Variants in ADARB2 observed in about 807,000 individuals in gnomAD.
The protein encoded by ADARB2 is adenosine deaminase RNA specific B2 (inactive).
ADARB2 carries 25 observed loss-of-function variants against 62.2 expected under a neutral mutation model. That is an observed-to-expected ratio of 0.40 (90% confidence interval 0.29 to 0.56). The LOEUF (loss-of-function observed/expected upper bound fraction) is 0.56. Among genes scored for constraint, ADARB2 ranks in the 20% least tolerant of loss-of-function variants. ADARB2 has a pLI of 0.43. For synonymous variants in ADARB2, 572 were observed against 500.8 expected (o/e 1.14, Z -1.90); for missense variants, 1,071 against 1,077.4 (o/e 0.99, Z 0.08).
chr10:1,254,804 T>C (rs569784048), intron 4 of ADARB2, among the ~76,000 whole-genome samples: 5 of 152,348 alleles, frequency 3.3e-5, no homozygotes, highest in East Asian at 3.9e-4. Context: ...TGCACACATA[T>C]GGTGCTCAAT....
chr10:1,595,774 C>T (rs181697844), intron 1 of ADARB2, among the ~76,000 whole-genome samples: 11 of 152,356 alleles, frequency 7.2e-5, no homozygotes, highest in African/African-American at 1.7e-4. Context: ...ACATTTGTGC[C>T]GGTCATAATG....
intron 3 of ADARB2, among the ~76,000 whole-genome samples, chr10:1,357,003 G>C (rs1290427814): frequency 1.3e-5 from 2 of 152,160 alleles, no homozygotes; most frequent in Non-Finnish European, 2.9e-5. Flanking sequence ...TGGTCAGGAG[G>C]GTTCTTCTAG....
In ADARB2 at chr10:1,420,611, G is replaced by GAAA. The variant is rs755860726; in HGVS notation, c.101-41452_101-41451insTTT. The stretch of plus-strand genomic sequence containing the variant: ...GCAGGTCCTCATCTTCCAGAAAGAG[G>GAAA]GAAAAAAAAAAAAAAAAAAGGCAGA... On this transcript the variant is annotated intron_variant, in intron 1 of 9. Transcript: ENST00000381312. Among the ~76,000 whole-genome samples, 27 of 121,116 alleles carry GAAA rather than the reference G, an allele frequency of 2.2e-4. 4 individuals are homozygous for GAAA. Among genetic ancestry groups the GAAA allele is most frequent in the East Asian group, 2.3e-4 (1 of 4,290 alleles). 79.5% of individuals were successfully genotyped at this position (121,116 alleles called of 152,430 possible).
In ADARB2 at chr10:1,255,579, T is replaced by C. The variant is rs1831072789; in HGVS notation, c.1193-13280A>G. 6.6e-6 allele frequency among the ~76,000 whole-genome samples: 1 copy of C among 152,228 alleles called. No individual in the cohort carries two copies. Among genetic ancestry groups the C allele is most frequent in the Non-Finnish European group, 1.5e-5 (1 of 68,036 alleles). ...GGCCATGGACAGGGATGTGACCAGATGTCAGCTGGTCAACGCTCTTTGCTG... is the reference window on the plus strand; with the variant it reads ...GGCCATGGACAGGGATGTGACCAGACGTCAGCTGGTCAACGCTCTTTGCTG... On this transcript the variant is annotated intron_variant, in intron 4 of 9. Transcript: ENST00000381312. This position sits in a 1 kb window ranked among gnomAD's most constrained non-coding sequence, Gnocchi z 4.7.
chr10:1,224,435 C>T (rs1397633907), intron 6 of ADARB2, among the ~76,000 whole-genome samples: 2 of 151,848 alleles, frequency 1.3e-5, no homozygotes, highest in Non-Finnish European at 2.9e-5. Context: ...TTCAGTTCTG[C>T]TCTGATTTTA....
chr10:1,535,018 A>C (rs78750310), intron 1 of ADARB2: 3,612 of 167,258 alleles, frequency 0.022, 127 homozygotes, highest in African/African-American at 0.08. Flanking sequence ...GCGAGCCACC[A>C]GGGACGGGGT....
rs150637980 is a variant in ADARB2 at position 1,189,017 on chromosome 10, C to T, written c.1865-3978G>A. On this transcript the variant is annotated intron_variant, in intron 8 of 9. Transcript: ENST00000381312. ...TCCAGGAGGGCCATCTCTTCCTCAC[C>T]GACATGGAAGGGCCATGGCCTCGTG... Among the ~76,000 whole-genome samples the T allele has an allele frequency of 4.1e-4, 62 of 150,776 alleles. 2 individuals carry two copies. In the East Asian group the frequency reaches 0.01, roughly 25 times the overall value.
intron 6 of ADARB2, among the ~76,000 whole-genome samples, chr10:1,231,752 C>T (rs1830805839): frequency 6.6e-6 from 1 of 152,138 alleles, no homozygotes; most frequent in African/African-American, 2.4e-5. Flanking sequence ...CCAGCCATGC[C>T]AGAGGATCCA....
chr10:1,416,056 A>G (rs1832798679), intron 1 of ADARB2, among the ~76,000 whole-genome samples: 1 of 152,240 alleles, frequency 6.6e-6, no homozygotes, highest in Admixed American at 6.5e-5. Flanking sequence ...CTTAACAAGC[A>G]GTACACATGA....
At position 1,222,714 on chromosome 10, in the gene ADARB2, T is replaced by G. The variant is rs577961808; in HGVS notation, c.1514-5595A>C. Among the ~76,000 whole-genome samples, 669 of 149,726 alleles carry G rather than the reference T, an allele frequency of 4.5e-3. 55 individuals are homozygous for G. Among genetic ancestry groups the G allele is most frequent in the African/African-American group, 0.017 (647 of 39,144 alleles). On this transcript the variant is annotated intron_variant, in intron 6 of 9. Coordinates refer to ENST00000381312, the MANE Select transcript of ADARB2 (RefSeq NM_018702.4). Reference sequence around the variant, plus strand: ...TTGTTTTTGTCAGGTTTGTCAAAGATCAGATGGTTGTAGATATGCGGCATT... The same window carrying G: ...TTGTTTTTGTCAGGTTTGTCAAAGAGCAGATGGTTGTAGATATGCGGCATT...
chr10:1,631,944 C>T (rs967474347), intron 1 of ADARB2, among the ~76,000 whole-genome samples: 6 of 152,036 alleles, frequency 3.9e-5, no homozygotes, highest in South Asian at 2.1e-4. Context: ...TGTGGATAAG[C>T]GTGATCTTAG....
At chr10:1,503,289 C>A (rs1392700874) in intron 1 of ADARB2, among the ~76,000 whole-genome samples, 1 of 151,830 alleles carries the variant, frequency 6.6e-6, no homozygotes, top group Non-Finnish European at 1.5e-5. Context: ...CAGGCTCAAG[C>A]AATCCTCCTG....
chr10:1,334,359 T>C (rs1831955006), intron 3 of ADARB2, among the ~76,000 whole-genome samples: 3 of 152,240 alleles, frequency 2.0e-5, no homozygotes, highest in African/African-American at 7.2e-5. Flanking sequence ...AGCAGCGATG[T>C]CTAAAGCTGT....
chr10:1,535,422 G>A lies in ADARB2; in HGVS notation c.101-156262C>T, dbSNP rs551145825. On this transcript the variant is annotated intron_variant, in intron 1 of 9. Transcript: ENST00000381312. Reference sequence around the variant, plus strand: ...ATTCCGAGGTGATACTGAGCTCTGCGTCCTCAGATTAAATGTATCTCCTTC... The same window carrying A: ...ATTCCGAGGTGATACTGAGCTCTGCATCCTCAGATTAAATGTATCTCCTTC... Among the ~76,000 whole-genome samples the A allele has an allele frequency of 4.6e-5, 7 of 152,270 alleles. No individual in the cohort carries two copies. The South Asian group carries it at 6.2e-4, about 14-fold the overall frequency.
At position 1,216,812 on chromosome 10, in the gene ADARB2, T is replaced by A. The variant is rs1830628462; in HGVS notation, c.1682+139A>T. 6 of 1,155,784 alleles carry A rather than the reference T, an allele frequency of 5.2e-6. No individual in the cohort carries two copies. The Middle Eastern group carries it at 1.2e-3, about 222-fold the overall frequency. 71.6% of individuals were successfully genotyped at this position (1,155,784 alleles called of 1,614,324 possible). On this transcript the variant is annotated intron_variant, in intron 7 of 9. Transcript: ENST00000381312. ...TGAACATGTGGAATGGCTGTGGAGTTCCACGGCTCAGGCACAGGGCCCTGA... is the reference window on the plus strand; with the variant it reads ...TGAACATGTGGAATGGCTGTGGAGTACCACGGCTCAGGCACAGGGCCCTGA...
intron 3 of ADARB2, among the ~76,000 whole-genome samples, chr10:1,323,189 T>C (rs1831810260): frequency 6.6e-6 from 1 of 152,022 alleles, no homozygotes; most frequent in Non-Finnish European, 1.5e-5. Flanking sequence ...TAAATTTTAG[T>C]TAATATTGTC....
intron 1 of ADARB2, among the ~76,000 whole-genome samples, chr10:1,617,256 G>A (rs867675271): frequency 0.055 from 2,809 of 50,998 alleles, no homozygotes; most frequent in African/African-American, 0.095. Context: ...CTGGGAACTG[G>A]CCTCAGAGGG....
chr10:1,731,213 C>T (rs1487347058), intron 1 of ADARB2, among the ~76,000 whole-genome samples: 1 of 152,192 alleles, frequency 6.6e-6, no homozygotes, highest in Non-Finnish European at 1.5e-5. Flanking sequence ...CATAAACTTG[C>T]AGATGGAGAT....
chr10:1,183,832 T>C (rs1836713690), intron 9 of ADARB2, among the ~76,000 whole-genome samples: 1 of 152,114 alleles, frequency 6.6e-6, no homozygotes, highest in Admixed American at 6.5e-5. Flanking sequence ...GCAGCTCTGA[T>C]ACCCCCACCA....
Sources: allele counts gnomAD v4.1 joint callset (sites outside exome capture counted in the v4.1 genomes callset), GRCh38; gene constraint gnomAD v4.1.1; non-coding constraint Gnocchi (gnomAD v3.1); transcripts MANE v1.5; gene names NCBI Gene and HGNC (gene_info 2026-07-23, HGNC 2026-07-21).